The following KCNIP3 variants were observed in gnomAD, a reference collection of about 807,000 sequenced individuals.
KCNIP3 encodes calsenilin.
A neutral mutation model predicts 35.0 loss-of-function variants in KCNIP3; 28 were observed. The observed-to-expected ratio is 0.80, with a 90% CI of 0.59 to 1.10. KCNIP3 has a LOEUF of 1.10. KCNIP3 is among the 50% of genes least tolerant of loss of function. The probability of loss-of-function intolerance (pLI) is 0.00; values close to 1 mark genes in which losing one functional copy is unlikely to be tolerated. For synonymous variants in KCNIP3, 134 were observed against 133.8 expected, an observed-to-expected ratio of 1.00 and a Z score of -0.01; for missense variants, 295 against 338.4, an observed-to-expected ratio of 0.87 and a Z score of 1.01.
intron 2 of KCNIP3, among the ~76,000 whole-genome samples, chr2:95,320,880 C>T (rs1203979260): frequency 1.4e-5 from 2 of 147,480 alleles, no homozygotes; most frequent in Non-Finnish European, 3.0e-5. Flanking sequence ...AGGCCCTCTC[C>T]TCCCCGCCCC....
At chr2:95,383,614 G>A (rs1299134687) in intron 8 of KCNIP3, among the ~76,000 whole-genome samples, 2 of 152,226 alleles carry the variant, frequency 1.3e-5, no homozygotes, top group Non-Finnish European at 1.5e-5. Flanking sequence ...ACCGTGGGGA[G>A]GCACCAGAGC....
chr2:95,374,250 A>AG, intron 2 of KCNIP3, 46 bp from the exon 3 acceptor site: 1 of 1,595,788 alleles, frequency 6.3e-7, no homozygotes, highest in Non-Finnish European at 8.6e-7. Context: ...AAGATGGAGG[A>AG]GCAGGGCTAC....
chr2:95,379,503 C>T (rs1407445037), intron 5 of KCNIP3, among the ~76,000 whole-genome samples: 1 of 152,200 alleles, frequency 6.6e-6, no homozygotes, highest in Non-Finnish European at 1.5e-5. Context: ...CTGGGCTGGG[C>T]CTTCTGGTTC....
chr2:95,344,772 C>T (rs896695698), intron 2 of KCNIP3, among the ~76,000 whole-genome samples: 1 of 152,206 alleles, frequency 6.6e-6, no homozygotes, highest in African/African-American at 2.4e-5. Context: ...CACGTGCCAG[C>T]CTGCATCTCA....
At position 95,381,665 on chromosome 2, in the gene KCNIP3, C is replaced by G; in HGVS notation, c.517C>G (p.Leu173Val). The change falls in exon 6 of 9, where the codon CTC becomes GTC. Residue 173 changes from leucine to valine, a missense_variant. By Grantham distance (32) the Leu-to-Val change is conservative. Transcript: ENST00000295225. ...VHEKLKWAFNLYDINKDGYIT... is the reference protein window; with the variant it reads ...VHEKLKWAFNVYDINKDGYIT... ...CGAGAAGCTCAAGTGGGCCTTTAAT[C>G]TCTACGACATTAACAAGGATGGCTA... The G allele has an allele frequency of 6.2e-7, 1 of 1,614,110 alleles. No homozygotes were observed. Among genetic ancestry groups the G allele is most frequent in the Non-Finnish European group, 8.5e-7 (1 of 1,179,966 alleles).
intron 3 of KCNIP3, 48 bp from the exon 4 acceptor site, chr2:95,374,800 T>C: frequency 1.3e-6 from 2 of 1,595,090 alleles, no homozygotes; most frequent in South Asian, 1.1e-5. Context: ...AGAGTCGGGC[T>C]TGGAGCTGGG....
At chr2:95,305,182 G>C (rs528602081) in intron 1 of KCNIP3, among the ~76,000 whole-genome samples, 6 of 152,224 alleles carry the variant, frequency 3.9e-5, no homozygotes, top group Non-Finnish European at 8.8e-5. Context: ...GGCCGGCATC[G>C]AGCAGGAGTG....
At chr2:95,333,607 C>G (rs934563839) in intron 2 of KCNIP3, among the ~76,000 whole-genome samples, 3 of 152,160 alleles carry the variant, frequency 2.0e-5, no homozygotes, top group African/African-American at 4.8e-5. Context: ...AGTCCTGTAG[C>G]CTCTGTTGGT....
At chr2:95,297,474 G>T in intron 1 of KCNIP3, 21 bp downstream of exon 1, 2 of 1,142,702 alleles carry the variant, frequency 1.8e-6, no homozygotes, top group Non-Finnish European at 1.2e-6. Flanking sequence ...GGGGAATGGG[G>T]TCTTGCTCTG....
At chr2:95,336,907 T>C (rs1370589942) in intron 2 of KCNIP3, among the ~76,000 whole-genome samples, 1 of 152,188 alleles carries the variant, frequency 6.6e-6, no homozygotes, top group Non-Finnish European at 1.5e-5. Flanking sequence ...TCCTCAATGC[T>C]CTCTGACCCC....
chr2:95,374,996 G>A, intron 4 of KCNIP3, 79 bp downstream of exon 4: 1 of 1,543,074 alleles, frequency 6.5e-7, no homozygotes, highest in Non-Finnish European at 8.9e-7. Flanking sequence ...GCATCCTGGA[G>A]GCTTGGTGCT....
chr2:95,325,934 TACACATACACACTC>T (rs1367294300), intron 2 of KCNIP3, among the ~76,000 whole-genome samples: 5 of 143,904 alleles, frequency 3.5e-5, no homozygotes, highest in South Asian at 2.3e-4. Context: ...CTCATACACA[TACACATACACACTC>T]ACACATACAC....
chr2:95,357,365 G>C (rs1438433189), intron 2 of KCNIP3, among the ~76,000 whole-genome samples: 2 of 152,190 alleles, frequency 1.3e-5, no homozygotes, highest in Non-Finnish European at 2.9e-5. Flanking sequence ...CCCCGGCCTG[G>C]GACAGGGGTA....
chr2:95,346,834 T>TCGCCGC (rs935978862), intron 2 of KCNIP3: 2 of 216,802 alleles, frequency 9.2e-6, no homozygotes, highest in African/African-American at 2.4e-5. Flanking sequence ...CCTGACCCGC[T>TCGCCGC]CGCCGCCGCC....
intron 2 of KCNIP3, among the ~76,000 whole-genome samples, chr2:95,352,643 TG>T (rs901398149): frequency 1.1e-4 from 16 of 152,004 alleles, no homozygotes; most frequent in Admixed American, 3.3e-4. Context: ...GCCAGTGGCC[TG>T]TAAACTTCCT....
chr2:95,322,077 G>A (rs941445188), intron 2 of KCNIP3, among the ~76,000 whole-genome samples: 1 of 152,108 alleles, frequency 6.6e-6, no homozygotes, highest in African/African-American at 2.4e-5. Flanking sequence ...TAAGAATAAT[G>A]AGGTTGGCAA....
chr2:95,310,489 G>A lies in KCNIP3; in HGVS notation c.150G>A (p.Trp50Ter). The A allele has an allele frequency of 6.2e-7, 1 of 1,612,064 alleles. No individual in the cohort carries two copies. Among genetic ancestry groups the A allele is most frequent in the South Asian group, 1.1e-5 (1 of 91,006 alleles). Residue 50 changes from tryptophan to a stop codon, truncating the protein, a stop_gained, in exon 2 of 9, where the codon TGG (tryptophan) becomes TGA (stop). Coordinates refer to ENST00000295225, the MANE Select transcript of KCNIP3 (RefSeq NM_013434.5). LOFTEE classifies it high-confidence loss of function. ...TGATGAGATGCTGCCTGGTCAAGTG[G>A]ATCCTGTCCAGCACAGCCCCACAGG... ...QALMRCCLVK[W>*]ILSSTAPQGS...
chr2:95,328,386 C>G (rs896132310), intron 2 of KCNIP3, among the ~76,000 whole-genome samples: 1 of 152,238 alleles, frequency 6.6e-6, no homozygotes, highest in African/African-American at 2.4e-5. Flanking sequence ...CACAGTATCC[C>G]GCTTGGGAAA....
At chr2:95,325,583 GCA>G (rs1678718015) in intron 2 of KCNIP3, among the ~76,000 whole-genome samples, 1 of 151,850 alleles carries the variant, frequency 6.6e-6, no homozygotes, top group East Asian at 1.9e-4. Flanking sequence ...GCACATGCAC[GCA>G]CACACGCACT....
Sources: gnomAD v4.1 joint callset for allele counts (sites outside exome capture counted in the v4.1 genomes callset) on GRCh38, gnomAD v4.1.1 for gene constraint, MANE v1.5 for transcripts, NCBI Gene and HGNC (gene_info 2026-07-23, HGNC 2026-07-21) for gene names.